The following CADM2 variants were observed in gnomAD, a reference collection of about 807,000 sequenced individuals.
The protein encoded by CADM2 is cell adhesion molecule 2.
CADM2 carries 12 observed loss-of-function variants against 49.8 expected under a neutral mutation model. The ratio of observed to expected loss-of-function variants is 0.24; its 90% confidence interval spans 0.15 to 0.39. The LOEUF (loss-of-function observed/expected upper bound fraction) is 0.39. Ranked by LOEUF, CADM2 falls within the 10% of genes least tolerant of loss-of-function variation. CADM2 has a pLI of 1.00. For missense variants in CADM2, 378 were observed against 492.3 expected, an observed-to-expected ratio of 0.77 and a Z score of 2.20; for synonymous variants, 214 against 175.4, an observed-to-expected ratio of 1.22 and a Z score of -1.74.
intron 1 of CADM2, among the ~76,000 whole-genome samples, chr3:85,045,838 G>C (rs191998305): frequency 2.0e-4 from 31 of 152,034 alleles, no homozygotes; most frequent in Middle Eastern, 6.8e-3. Flanking sequence ...ATTGGAAAAA[G>C]GTTCATATAA....
intron 1 of CADM2, among the ~76,000 whole-genome samples, chr3:85,093,945 A>G (rs1199128904): frequency 1.3e-5 from 2 of 152,084 alleles, no homozygotes; most frequent in Non-Finnish European, 2.9e-5. Context: ...TAGCAAAGCT[A>G]GGTGGGAGGA....
At chr3:85,976,690 A>G (rs1176885086) in intron 8 of CADM2, among the ~76,000 whole-genome samples, 1 of 151,546 alleles carries the variant, frequency 6.6e-6, no homozygotes, top group East Asian at 1.9e-4. Context: ...TCATTTTTTA[A>G]ACCCAATTGT....
intron 1 of CADM2, among the ~76,000 whole-genome samples, chr3:85,494,453 C>G (rs552177978): frequency 9.9e-5 from 15 of 152,192 alleles, no homozygotes; most frequent in South Asian, 6.2e-4. Flanking sequence ...AACCTAGAAT[C>G]TTGTGTAATG....
At chr3:85,905,512 A>G (rs1432596159) in intron 5 of CADM2, among the ~76,000 whole-genome samples, 1 of 152,150 alleles carries the variant, frequency 6.6e-6, no homozygotes, top group African/African-American at 2.4e-5. Context: ...TTAAAAACAT[A>G]CTTGTTAAGC....
chr3:84,965,848 T>C (rs1466852422), intron 1 of CADM2, among the ~76,000 whole-genome samples: 1 of 152,170 alleles, frequency 6.6e-6, no homozygotes, highest in Non-Finnish European at 1.5e-5. Context: ...TTATTTAGTG[T>C]TGTCAAGTAT....
intron 1 of CADM2, 99 bp downstream of exon 1, chr3:84,959,767 TC>T: frequency 1.7e-6 from 2 of 1,158,900 alleles, no homozygotes; most frequent in Non-Finnish European, 2.5e-6. Context: ...AGTCTCCCTG[TC>T]CCCAGCGATT....
intron 1 of CADM2, among the ~76,000 whole-genome samples, chr3:85,723,466 G>A (rs1162583823): frequency 6.6e-6 from 1 of 152,086 alleles, no homozygotes; most frequent in Non-Finnish European, 1.5e-5. Flanking sequence ...ATTCATGACA[G>A]TATTCCTGTC....
At chr3:85,049,837 A>G (rs528636281) in intron 1 of CADM2, among the ~76,000 whole-genome samples, 47 of 152,196 alleles carry the variant, frequency 3.1e-4, no homozygotes, top group African/African-American at 1.1e-3. Context: ...TTAAATTCTC[A>G]TCCAACTTTT....
chr3:85,875,897 T>C (rs1428462399), intron 3 of CADM2, among the ~76,000 whole-genome samples: 1 of 152,164 alleles, frequency 6.6e-6, no homozygotes, highest in Non-Finnish European at 1.5e-5. Flanking sequence ...AAAGGCCTTA[T>C]GGGTAGAGTT....
chr3:85,141,766 T>C (rs1006559509), intron 1 of CADM2, among the ~76,000 whole-genome samples: 2 of 152,180 alleles, frequency 1.3e-5, no homozygotes, highest in African/African-American at 4.8e-5. Context: ...GTCTCCTATT[T>C]GGGGCAATTT....
In CADM2 at chr3:85,031,098, G is replaced by A. The variant is rs2034958901; in HGVS notation, c.61+71430G>A. On this transcript the variant is annotated intron_variant, in intron 1 of 9. Coordinates refer to ENST00000383699, the MANE Select transcript of CADM2 (RefSeq NM_001167675.2). ...GGAGGCAGATAAAGCCCTCTGGAAAGGACGGCCTGACAGTGACTGTGATCT... is the reference window on the plus strand; with the variant it reads ...GGAGGCAGATAAAGCCCTCTGGAAAAGACGGCCTGACAGTGACTGTGATCT... 4.6e-5 allele frequency among the ~76,000 whole-genome samples: 7 copies of A among 152,172 alleles called. No homozygotes were observed. In the South Asian group the frequency reaches 1.4e-3, roughly 31 times the overall value.
At chr3:85,205,474 C>A (rs1272058373) in intron 1 of CADM2, among the ~76,000 whole-genome samples, 1 of 151,914 alleles carries the variant, frequency 6.6e-6, no homozygotes, top group East Asian at 1.9e-4. Flanking sequence ...TCCTGAAGTT[C>A]TATCTATATA....
chr3:85,657,139 T>C (rs886329527), intron 1 of CADM2, among the ~76,000 whole-genome samples: 2 of 152,198 alleles, frequency 1.3e-5, no homozygotes, highest in African/African-American at 4.8e-5. Context: ...TATATTTCTC[T>C]CTCCTTCTTT....
At chr3:85,187,329 A>G (rs529744756) in intron 1 of CADM2, among the ~76,000 whole-genome samples, 3 of 152,270 alleles carry the variant, frequency 2.0e-5, no homozygotes, top group East Asian at 3.9e-4. Flanking sequence ...TTGAATCTCT[A>G]TACATTGAAA....
At chr3:85,772,145 A>G (rs2070128350) in intron 2 of CADM2, among the ~76,000 whole-genome samples, 2 of 151,766 alleles carry the variant, frequency 1.3e-5, no homozygotes, top group South Asian at 4.1e-4. Context: ...AGTCCTAACC[A>G]TAGCATTTAT....
At chr3:85,734,328 A>G (rs148341713) in intron 2 of CADM2, among the ~76,000 whole-genome samples, 1 of 152,032 alleles carries the variant, frequency 6.6e-6, no homozygotes, top group East Asian at 1.9e-4. Context: ...CAAATAGGAG[A>G]AGTCATGTAA....
In CADM2 at chr3:85,940,096, A is replaced by T. The variant is rs868756791; in HGVS notation, c.791+4239A>T. Among the ~76,000 whole-genome samples the T allele has an allele frequency of 3.4e-5, 5 of 145,542 alleles. No homozygotes were observed. In the South Asian group the frequency reaches 8.9e-4, roughly 26 times the overall value. On this transcript the variant is annotated intron_variant, in intron 7 of 9. Coordinates refer to ENST00000383699, the MANE Select transcript of CADM2 (RefSeq NM_001167675.2). Reference sequence around the variant, plus strand: ...CACTTTGGGAGATGGAGGCAGGAGGATCATCTGAGGTCAGGAGTTCAAGAC... The same window carrying T: ...CACTTTGGGAGATGGAGGCAGGAGGTTCATCTGAGGTCAGGAGTTCAAGAC...
At chr3:85,296,760 A>G (rs370603265) in intron 1 of CADM2, among the ~76,000 whole-genome samples, 4 of 152,012 alleles carry the variant, frequency 2.6e-5, no homozygotes, top group African/African-American at 9.7e-5. Flanking sequence ...AATTACCACG[A>G]CTTTCTACTC....
chr3:85,541,997 T>C (rs2061560427), intron 1 of CADM2, among the ~76,000 whole-genome samples: 1 of 151,922 alleles, frequency 6.6e-6, no homozygotes, highest in Non-Finnish European at 1.5e-5. Flanking sequence ...CACTCAATTG[T>C]GCTTTACTAA....
Sources: gnomAD v4.1 joint callset for allele counts (sites outside exome capture counted in the v4.1 genomes callset) on GRCh38, gnomAD v4.1.1 for gene constraint, MANE v1.5 for transcripts, NCBI Gene and HGNC (gene_info 2026-07-23, HGNC 2026-07-21) for gene names.